SLC15A5: variants seen among roughly 807,000 people sequenced by gnomAD.
SLC15A5 encodes the protein Peptide/histidine transporter ENSP00000340402.
Under a neutral mutation model 56.1 loss-of-function variants are expected in SLC15A5, and 58 were observed. The ratio of observed to expected loss-of-function variants is 1.03; its 90% CI spans 0.84 to 1.29. The LOEUF is 1.29. SLC15A5 is among the 50% of genes most tolerant of loss of function. SLC15A5 has a pLI of 0.00. For synonymous variants in SLC15A5, 264 were observed against 250.5 expected (o/e 1.05, Z -0.51); for missense variants, 681 against 672.1 (o/e 1.01, Z -0.15).
rs546591643 is a variant in SLC15A5 at position 16,269,091 on chromosome 12, C to G, written c.584+3470G>C. On this transcript the variant is annotated intron_variant, in intron 2 of 8. Transcript: ENST00000344941. The surrounding 1 kb of genome is among the most constrained non-coding windows in gnomAD (Gnocchi z 4.7). ...AGAGAACCCTCACCAGAACCCTGAT[C>G]TCAGAATTCTGGCCTCCAGAGCTGT... Among the ~76,000 whole-genome samples, 2 of 152,018 alleles carry G rather than the reference C, an allele frequency of 1.3e-5. No homozygotes were observed. Among genetic ancestry groups the G allele is most frequent in the African/African-American group, 4.8e-5 (2 of 41,406 alleles).
chr12:16,263,025 G>A (rs1289066813), intron 2 of SLC15A5, among the ~76,000 whole-genome samples: 1 of 152,158 alleles, frequency 6.6e-6, no homozygotes, highest in Non-Finnish European at 1.5e-5. Context: ...ATTGGTACCA[G>A]TAGCATGGGG....
chr12:16,264,785 G>A (rs755449523), intron 2 of SLC15A5, among the ~76,000 whole-genome samples: 18 of 152,132 alleles, frequency 1.2e-4, no homozygotes, highest in African/African-American at 2.7e-4. Context: ...CTCTCTCTTC[G>A]CTTGCTGCCA....
chr12:16,277,171 A>G (rs899834766), intron 1 of SLC15A5, among the ~76,000 whole-genome samples, 154 bp downstream of exon 1: 2 of 151,796 alleles, frequency 1.3e-5, no homozygotes, highest in African/African-American at 4.8e-5. Context: ...CATTCTTCAA[A>G]TAGTACAAAG....
intron 7 of SLC15A5, among the ~76,000 whole-genome samples, chr12:16,209,019 C>CT (rs34238331): frequency 2.8e-4 from 39 of 141,342 alleles, no homozygotes; most frequent in African/African-American, 9.1e-4. Flanking sequence ...AACATGATGC[C>CT]TTTTTTTTTT....
rs1864428493 is a variant in SLC15A5, at chr12:16,243,105, C to T, written c.975+1475G>A. Among the ~76,000 whole-genome samples, 1 of 152,036 alleles carries T rather than the reference C, an allele frequency of 6.6e-6. No homozygotes were observed. Among genetic ancestry groups the T allele is most frequent in the Non-Finnish European group, 1.5e-5 (1 of 68,004 alleles). The stretch of plus-strand genomic sequence containing the variant: ...ATTACTCAACTCTGCTATTTTTGTG[C>T]ATAAGCAGACATAGATACGACAAAA... On this transcript the variant is annotated intron_variant, in intron 4 of 8. Coordinates refer to ENST00000344941, the MANE Select transcript of SLC15A5 (RefSeq NM_001170798.1). The surrounding 1 kb of genome is among the most constrained non-coding windows in gnomAD (Gnocchi z 4.4).
rs748557747 is a variant in SLC15A5 at position 16,277,563 on chromosome 12, C to A, written c.123G>T (p.Gln41His). The change falls in exon 1 of 9, where the codon CAG becomes CAT. Residue 41 changes from glutamine to histidine, a missense_variant. Transcript: ENST00000344941. ...CCACCAGAAGCAAGCAGATTCCAAC[C>A]TGAATTTTTTTCACAGAGTGTGAGG... Reference protein sequence around the residue: ...LCSSHSVKKIQVGICLLLVEL... With the variant: ...LCSSHSVKKIHVGICLLLVEL... 1.3e-6 allele frequency: 2 copies of A among 1,536,524 alleles called. No individual in the cohort carries two copies. The highest frequency in any genetic ancestry group is 2.4e-5 in the South Asian group (2 of 84,038).
intron 2 of SLC15A5, among the ~76,000 whole-genome samples, chr12:16,264,032 G>T (rs61916972): frequency 0.18 from 26,857 of 152,182 alleles, 2,649 homozygotes; most frequent in Non-Finnish European, 0.22. Context: ...TTGCCTACTG[G>T]AGCTGTGAGA....
intron 3 of SLC15A5, among the ~76,000 whole-genome samples, chr12:16,247,237 A>T (rs974136837): frequency 1.3e-5 from 2 of 152,232 alleles, no homozygotes; most frequent in Non-Finnish European, 2.9e-5. Flanking sequence ...TGTATCAGAT[A>T]TAGTGATATG....
intron 3 of SLC15A5, 142 bp from the exon 4 acceptor site, chr12:16,244,942 G>A (rs1448416607): frequency 2.4e-6 from 2 of 817,968 alleles, no homozygotes; most frequent in Admixed American, 5.4e-5. Context: ...GGACTCAAAG[G>A]ACCACGCTTC....
At position 16,244,649 on chromosome 12, in the gene SLC15A5, G is replaced by A. The variant is rs1864444294; in HGVS notation, c.906C>T (p.Asp302=). The A allele has an allele frequency of 6.5e-7, 1 of 1,537,494 alleles. No individual in the cohort carries two copies. Among genetic ancestry groups the A allele is most frequent in the African/African-American group, 1.4e-5 (1 of 72,994 alleles). Residue 302 remains aspartate, a synonymous_variant, in exon 4 of 9, where the codon GAC becomes GAT. Coordinates refer to ENST00000344941, the MANE Select transcript of SLC15A5 (RefSeq NM_001170798.1). Reference sequence around the variant, plus strand: ...GGAGAAGGGTGAGGAAAAATGTTGTGTCTTCTACATGGAGCTCACTGTAGC... The same window carrying A: ...GGAGAAGGGTGAGGAAAAATGTTGTATCTTCTACATGGAGCTCACTGTAGC... ...GGCYSELHVE[D]TTFFLTLLPL...
chr12:16,272,487 A>G lies in SLC15A5; in HGVS notation c.584+74T>C, dbSNP rs893629896. 13 of 1,368,722 alleles carry G rather than the reference A, an allele frequency of 9.5e-6. No homozygotes were observed. In the African/African-American group the frequency reaches 1.7e-4, roughly 18 times the overall value. 84.8% of individuals were successfully genotyped at this position (1,368,722 alleles called of 1,614,324 possible). A position where few individuals can be genotyped will look rare whatever the true frequency, so the allele number is the denominator to read the frequency against. On this transcript the variant is annotated intron_variant, in intron 2 of 8. Coordinates refer to ENST00000344941, the MANE Select transcript of SLC15A5 (RefSeq NM_001170798.1). ...TCATCACAAAGACTGAGCAACTACT[A>G]CCCAAATGGAATCAGAAAGTAAACA... is the stretch of plus-strand genomic sequence containing the variant.
chr12:16,217,383 T>C (rs1213579463), intron 6 of SLC15A5, among the ~76,000 whole-genome samples: 1 of 152,154 alleles, frequency 6.6e-6, no homozygotes. Context: ...ATCAATTTTG[T>C]GATTCTGTGT....
At chr12:16,211,030 T>A (rs1357244857) in intron 7 of SLC15A5, among the ~76,000 whole-genome samples, 1 of 152,164 alleles carries the variant, frequency 6.6e-6, no homozygotes, top group Non-Finnish European at 1.5e-5. Context: ...ACCAAGGCAC[T>A]AAACCAGTTG....
intron 3 of SLC15A5, among the ~76,000 whole-genome samples, chr12:16,251,492 G>A (rs1204261819): frequency 6.6e-6 from 1 of 151,466 alleles, no homozygotes; most frequent in Non-Finnish European, 1.5e-5. Context: ...AGAAATGAAA[G>A]GAGACATTAC....
At position 16,275,470 on chromosome 12, in the gene SLC15A5, T is replaced by G. The variant is rs138821785; in HGVS notation, c.361+1855A>C. Among the ~76,000 whole-genome samples, 100 of 152,088 alleles carry G rather than the reference T, an allele frequency of 6.6e-4. 1 individual carries two copies. In the East Asian group the frequency reaches 0.016, roughly 24 times the overall value. ...GATTTATTTGTTCAGGAAGTCAGTG[T>G]TGTTGGTAGAATGGAGTACAAGCTG... On this transcript the variant is annotated intron_variant, in intron 1 of 8. Coordinates refer to ENST00000344941, the MANE Select transcript of SLC15A5 (RefSeq NM_001170798.1).
chr12:16,272,855 G>T, intron 1 of SLC15A5, 72 bp from the exon 2 acceptor site: 1 of 1,330,420 alleles, frequency 7.5e-7, no homozygotes, highest in Non-Finnish European at 1.0e-6. Context: ...TTTTAAACAG[G>T]GTTTTTCTCT....
At chr12:16,221,723 G>A (rs999801461) in intron 6 of SLC15A5, among the ~76,000 whole-genome samples, 2 of 152,190 alleles carry the variant, frequency 1.3e-5, no homozygotes, top group Admixed American at 6.5e-5. Context: ...GGGCAGGAGA[G>A]GAAGCAGGGA....
In SLC15A5 at chr12:16,218,660, T is replaced by G. The variant is rs1041598936; in HGVS notation, c.1352-1636A>C. 4.3e-4 allele frequency among the ~76,000 whole-genome samples: 66 copies of G among 152,144 alleles called. 1 individual carries two copies. The highest frequency in any genetic ancestry group is 8.1e-4 in the Non-Finnish European group (55 of 68,012). Reference sequence around the variant, plus strand: ...TGAACATATCTAAACACAGAAATAGTATAGTAAAATATGATACTATAATCT... The same window carrying G: ...TGAACATATCTAAACACAGAAATAGGATAGTAAAATATGATACTATAATCT... On this transcript the variant is annotated intron_variant, in intron 6 of 8. Transcript: ENST00000344941.
intron 2 of SLC15A5, among the ~76,000 whole-genome samples, chr12:16,266,717 C>T (rs7966021): frequency 0.053 from 8,020 of 152,252 alleles, 325 homozygotes; most frequent in African/African-American, 0.11. Flanking sequence ...CCTTTCATCT[C>T]ATAGCTCACT....
Sources: allele counts gnomAD v4.1 joint callset (sites outside exome capture counted in the v4.1 genomes callset), GRCh38; gene constraint gnomAD v4.1.1; non-coding constraint Gnocchi (gnomAD v3.1); transcripts MANE v1.5; gene names NCBI Gene and HGNC (gene_info 2026-07-23, HGNC 2026-07-21).